DCDC1: variants seen among roughly 807,000 people sequenced by gnomAD.
The protein encoded by DCDC1 is doublecortin domain containing 1, also known as doublecortin domain-containing protein 1.
DCDC1 carries 200 observed loss-of-function variants against 178.3 expected under a neutral mutation model. The ratio of observed to expected loss-of-function variants is 1.12; its 90% confidence interval spans 1.00 to 1.26. The LOEUF (loss-of-function observed/expected upper bound fraction) is 1.26. DCDC1 is among the 50% of genes most tolerant of loss of function. The pLI, the probability that DCDC1 is intolerant of heterozygous loss-of-function variation, is 0.00. For synonymous variants in DCDC1, 690 were observed against 604.8 expected, an observed-to-expected ratio of 1.14 and a Z score of -2.07; for missense variants, 1,983 against 1,749.2, an observed-to-expected ratio of 1.13 and a Z score of -2.38.
intron 1 of DCDC1, among the ~76,000 whole-genome samples, chr11:31,335,993 T>C (rs1950254922): frequency 6.6e-6 from 1 of 152,236 alleles, no homozygotes; most frequent in African/African-American, 2.4e-5. Flanking sequence ...CATTATTCGT[T>C]GACATTGTTC....
chr11:30,961,194 G>T (rs1048713132), intron 20 of DCDC1, among the ~76,000 whole-genome samples: 2 of 152,034 alleles, frequency 1.3e-5, no homozygotes, highest in African/African-American at 2.4e-5. Flanking sequence ...GAAAATTTGT[G>T]CAAGTCTGTA....
intron 21 of DCDC1, chr11:30,944,177 T>C (rs1388756504): frequency 2.7e-6 from 1 of 364,806 alleles, no homozygotes; most frequent in African/African-American, 2.1e-5. Flanking sequence ...CCAAACTTTT[T>C]CTGTGAGTTT....
chr11:31,213,884 A>G (rs564392732), intron 9 of DCDC1, among the ~76,000 whole-genome samples: 20 of 152,158 alleles, frequency 1.3e-4, no homozygotes, highest in Admixed American at 1.2e-3. Flanking sequence ...AGAAGTATTT[A>G]TTTATATTGT....
intron 20 of DCDC1, among the ~76,000 whole-genome samples, chr11:30,954,374 T>G (rs958095732): frequency 3.9e-5 from 6 of 152,078 alleles, no homozygotes; most frequent in Non-Finnish European, 7.3e-5. Context: ...AGATTTGAAA[T>G]AGAAAATACT....
intron 9 of DCDC1, among the ~76,000 whole-genome samples, chr11:31,145,248 A>G (rs2136055440): frequency 6.6e-6 from 1 of 152,312 alleles, no homozygotes; most frequent in South Asian, 2.1e-4. Context: ...ACGGAGCCAG[A>G]TAGAGCTTCA....
chr11:30,929,985 T>A (rs548736766), intron 22 of DCDC1, among the ~76,000 whole-genome samples: 1 of 152,168 alleles, frequency 6.6e-6, no homozygotes, highest in South Asian at 2.1e-4. Flanking sequence ...TCCAGTAAAT[T>A]ATTAAATAGC....
intron 9 of DCDC1, among the ~76,000 whole-genome samples, chr11:31,213,456 T>C (rs186693729): frequency 6.6e-6 from 1 of 152,058 alleles, no homozygotes; most frequent in Non-Finnish European, 1.5e-5. Flanking sequence ...CGGTGGCTTA[T>C]CATGTCTGTA....
intron 17 of DCDC1, among the ~76,000 whole-genome samples, chr11:31,080,361 T>G (rs1957101197): frequency 6.6e-6 from 1 of 152,164 alleles, no homozygotes. Flanking sequence ...GAACCCAGAA[T>G]GTCTGACTTA....
At chr11:31,205,234 A>T (rs1234374787) in intron 9 of DCDC1, among the ~76,000 whole-genome samples, 1 of 152,226 alleles carries the variant, frequency 6.6e-6, no homozygotes, top group Non-Finnish European at 1.5e-5. Flanking sequence ...AGTTTTATTT[A>T]CGTATTGTCT....
chr11:31,300,063 G>A (rs1591690110), intron 6 of DCDC1, among the ~76,000 whole-genome samples: 1 of 152,068 alleles, frequency 6.6e-6, no homozygotes, highest in Non-Finnish European at 1.5e-5. Flanking sequence ...TTACCATGTT[G>A]GCCAGGATAG....
intron 20 of DCDC1, among the ~76,000 whole-genome samples, chr11:31,012,413 T>C (rs1437935089): frequency 6.6e-6 from 1 of 151,788 alleles, no homozygotes; most frequent in Non-Finnish European, 1.5e-5. Context: ...CCAGCCTGGG[T>C]AACACAGTGA....
chr11:31,042,601 A>G (rs748107370), intron 20 of DCDC1, among the ~76,000 whole-genome samples: 2 of 151,876 alleles, frequency 1.3e-5, no homozygotes, highest in Non-Finnish European at 2.9e-5. Context: ...TTTTTTTTCC[A>G]GCCCACTATG....
At chr11:31,126,993 C>T (rs897183323) in intron 11 of DCDC1, among the ~76,000 whole-genome samples, 1 of 152,118 alleles carries the variant, frequency 6.6e-6, no homozygotes, top group Non-Finnish European at 1.5e-5. Context: ...AAGTGAACTC[C>T]AACATGTGTC....
chr11:31,244,149 T>C (rs1164042290), intron 8 of DCDC1, among the ~76,000 whole-genome samples: 1 of 151,780 alleles, frequency 6.6e-6, no homozygotes, highest in Admixed American at 6.6e-5. Context: ...TAATATTTAT[T>C]AAGCAGTTAG....
rs780291104 is a variant in DCDC1, at chr11:31,307,766, C to T, written c.307G>A (p.Ala103Thr). ...ATTTCATCATGGCTGTGATCTGATG[C>T]TGTTTGATGTGTGGAGCAATCTTGA... is the stretch of plus-strand genomic sequence containing the variant. ...GLQDCSTHQT[A>T]SDHSHDEISD... The change falls in exon 4 of 39, where the codon GCA becomes ACA. Residue 103 changes from alanine to threonine, a missense_variant. Transcript: ENST00000684477. 21 of 1,613,966 alleles carry T rather than the reference C, an allele frequency of 1.3e-5. No individual in the cohort carries two copies. In the East Asian group the frequency reaches 1.8e-4, roughly 14 times the overall value.
At chr11:30,939,905 G>T (rs890992954) in intron 21 of DCDC1, among the ~76,000 whole-genome samples, 3 of 152,120 alleles carry the variant, frequency 2.0e-5, no homozygotes, top group Non-Finnish European at 2.9e-5. Context: ...AATTATTTCT[G>T]TGTGGAAATT....
intron 20 of DCDC1, among the ~76,000 whole-genome samples, chr11:30,993,855 C>T (rs1297050283): frequency 6.6e-6 from 1 of 152,086 alleles, no homozygotes; most frequent in Non-Finnish European, 1.5e-5. Flanking sequence ...AGTGTATTGT[C>T]AAGTTCTACC....
intron 20 of DCDC1, among the ~76,000 whole-genome samples, chr11:31,028,659 A>T (rs1275057359): frequency 6.6e-6 from 1 of 152,034 alleles, no homozygotes; most frequent in Non-Finnish European, 1.5e-5. Context: ...CACTGTGATA[A>T]ACCTATTTGA....
chr11:31,033,791 A>T (rs1440769467), intron 20 of DCDC1, among the ~76,000 whole-genome samples: 4 of 152,158 alleles, frequency 2.6e-5, no homozygotes, highest in Non-Finnish European at 5.9e-5. Context: ...GACCCTGTGT[A>T]GGCCTAGGCT....
Sources: allele counts gnomAD v4.1 joint callset (sites outside exome capture counted in the v4.1 genomes callset), GRCh38; gene constraint gnomAD v4.1.1; transcripts MANE v1.5; gene names NCBI Gene and HGNC (gene_info 2026-07-23, HGNC 2026-07-21).